The following RHOT1 variants were observed in gnomAD, a reference collection of about 807,000 sequenced individuals.
The protein encoded by RHOT1 is ras homolog family member T1, also known as mitochondrial Rho GTPase 1.
RHOT1 carries 27 observed loss-of-function variants against 95.3 expected under a neutral mutation model. That is an observed-to-expected ratio of 0.28 (90% confidence interval 0.21 to 0.39). The LOEUF (loss-of-function observed/expected upper bound fraction) is 0.39. RHOT1 is among the 10% of genes least tolerant of loss of function. The pLI is 1.00. For missense variants in RHOT1, 578 were observed against 786.7 expected (o/e 0.73, Z 3.17); for synonymous variants, 227 against 263.5 (o/e 0.86, Z 1.34).
At chr17:32,185,132 C>T (rs2035935736) in intron 8 of RHOT1, among the ~76,000 whole-genome samples, 1 of 151,108 alleles carries the variant, frequency 6.6e-6, no homozygotes, top group African/African-American at 2.4e-5. Context: ...TTTTTTGAGA[C>T]GGAGTTTCGC....
At chr17:32,202,746 G>T (rs758535877) in intron 14 of RHOT1, 24 bp from the exon 15 acceptor site, 7 of 1,532,956 alleles carry the variant, frequency 4.6e-6, no homozygotes, top group Admixed American at 2.0e-5. Flanking sequence ...ATTTAGTGGG[G>T]TTTTTTATTA....
At chr17:32,198,148 G>C (rs576812667) in intron 11 of RHOT1, among the ~76,000 whole-genome samples, 2 of 148,880 alleles carry the variant, frequency 1.3e-5, no homozygotes, top group Non-Finnish European at 3.0e-5. Context: ...TCCTTGCCTC[G>C]GTCTCCCAAA....
chr17:32,163,117 G>GT (rs2033715278), intron 1 of RHOT1, among the ~76,000 whole-genome samples: 1 of 152,160 alleles, frequency 6.6e-6, no homozygotes, highest in Admixed American at 6.5e-5. Context: ...TTTTGGTGTG[G>GT]TAGATAATTG....
At chr17:32,162,059 TTTTCA>T (rs1203329795) in intron 1 of RHOT1, among the ~76,000 whole-genome samples, 1 of 152,000 alleles carries the variant, frequency 6.6e-6, no homozygotes, top group East Asian at 1.9e-4. Context: ...TTTATATGGG[TTTTCA>T]GTAGGTAGAT....
intron 11 of RHOT1, among the ~76,000 whole-genome samples, chr17:32,196,964 A>G (rs892613803): frequency 5.3e-5 from 8 of 151,950 alleles, no homozygotes; most frequent in Admixed American, 3.9e-4. Flanking sequence ...TCTACTAAAA[A>G]TACAAAAAAT....
intron 6 of RHOT1, among the ~76,000 whole-genome samples, chr17:32,181,670 T>A (rs747717441): frequency 4.6e-5 from 7 of 152,226 alleles, no homozygotes; most frequent in Non-Finnish European, 1.0e-4. Context: ...ATTGAGATCA[T>A]TTTGAAGCAA....
rs189679323 is a variant in RHOT1 at position 32,157,036 on chromosome 17, A to T, written c.38-14007A>T. On this transcript the variant is annotated intron_variant, in intron 1 of 19. Coordinates refer to ENST00000545287, the MANE Select transcript of RHOT1 (RefSeq NM_001033566.3). ...AGTGCTGGAACTAAGATTTCAGCCC[A>T]ATTCTGTGTAGTTCCAAAGCCTGTG... is the stretch of plus-strand genomic sequence containing the variant. 2.2e-3 allele frequency among the ~76,000 whole-genome samples: 334 copies of T among 152,350 alleles called. 1 individual carries two copies. Among genetic ancestry groups the T allele is most frequent in the African/African-American group, 7.5e-3 (312 of 41,584 alleles).
intron 16 of RHOT1, among the ~76,000 whole-genome samples, chr17:32,205,677 T>C (rs1013589): frequency 0.28 from 42,478 of 152,082 alleles, 7,590 homozygotes; most frequent in African/African-American, 0.51. Flanking sequence ...TGGTGGCTCA[T>C]GCCTCTAATC....
At chr17:32,168,190 G>A (rs974640551) in intron 1 of RHOT1, among the ~76,000 whole-genome samples, 13 of 151,720 alleles carry the variant, frequency 8.6e-5, no homozygotes, top group Admixed American at 2.0e-4. Flanking sequence ...AGATGGAGAC[G>A]TACAAGGAGA....
intron 3 of RHOT1, among the ~76,000 whole-genome samples, chr17:32,174,216 G>C (rs2142545446): frequency 6.6e-6 from 1 of 152,196 alleles, no homozygotes; most frequent in Middle Eastern, 3.4e-3. Context: ...AATATAACTG[G>C]ATTTTGAAGA....
At chr17:32,191,037 T>G (rs913809318) in intron 8 of RHOT1, among the ~76,000 whole-genome samples, 1 of 152,170 alleles carries the variant, frequency 6.6e-6, no homozygotes, top group African/African-American at 2.4e-5. Flanking sequence ...TCAGGTGATC[T>G]GCACTCCTCG....
chr17:32,172,244 G>C (rs1331320878), intron 2 of RHOT1, among the ~76,000 whole-genome samples: 1 of 152,040 alleles, frequency 6.6e-6, no homozygotes, highest in Non-Finnish European at 1.5e-5. Context: ...TTTTCTCTTA[G>C]ACAAGATGGT....
intron 10 of RHOT1, 78 bp from the exon 11 acceptor site, chr17:32,193,909 C>A: frequency 1.3e-6 from 2 of 1,530,916 alleles, no homozygotes; most frequent in Non-Finnish European, 1.8e-6. Flanking sequence ...GTTCATGAAT[C>A]TGGTTCTTGC....
chr17:32,191,954 T>C (rs1036801905), intron 8 of RHOT1, among the ~76,000 whole-genome samples: 1 of 152,172 alleles, frequency 6.6e-6, no homozygotes, highest in Non-Finnish European at 1.5e-5. Flanking sequence ...AAGATGAACT[T>C]CTCTTTTCCC....
At chr17:32,160,564 C>G (rs2033439802) in intron 1 of RHOT1, among the ~76,000 whole-genome samples, 1 of 152,204 alleles carries the variant, frequency 6.6e-6, no homozygotes, top group South Asian at 2.1e-4. Context: ...GCTCCCTTAG[C>G]CAGGGCTGTG....
chr17:32,204,750 G>A (rs894350778), intron 16 of RHOT1, among the ~76,000 whole-genome samples: 1 of 152,008 alleles, frequency 6.6e-6, no homozygotes, highest in Non-Finnish European at 1.5e-5. Context: ...CACTTTGGGA[G>A]GCTGAGTCAG....
At chr17:32,197,494 G>A (rs1043883677) in intron 11 of RHOT1, among the ~76,000 whole-genome samples, 3 of 151,356 alleles carry the variant, frequency 2.0e-5, no homozygotes, top group South Asian at 2.1e-4. Flanking sequence ...GCGTGATCTC[G>A]ACTCACTGCA....
At chr17:32,187,979 C>A (rs757437188) in intron 8 of RHOT1, among the ~76,000 whole-genome samples, 1 of 152,148 alleles carries the variant, frequency 6.6e-6, no homozygotes, top group Non-Finnish European at 1.5e-5. Flanking sequence ...TGTAACATAG[C>A]CATGGTCATT....
intron 6 of RHOT1, among the ~76,000 whole-genome samples, chr17:32,177,305 A>C (rs1177194981): frequency 1.3e-5 from 2 of 152,192 alleles, no homozygotes; most frequent in East Asian, 3.8e-4. Context: ...ACATGTGACT[A>C]ATGCTTACAG....
Sources: allele counts gnomAD v4.1 joint callset (sites outside exome capture counted in the v4.1 genomes callset), GRCh38; gene constraint gnomAD v4.1.1; transcripts MANE v1.5; gene names NCBI Gene and HGNC (gene_info 2026-07-23, HGNC 2026-07-21).